The following SASS6 variants were observed in gnomAD, a reference collection of about 807,000 sequenced individuals.
SASS6 encodes the protein spindle assembly abnormal protein 6 homolog.
SASS6 carries 59 observed loss-of-function variants against 94.9 expected under a neutral mutation model. That is an observed-to-expected ratio of 0.62 (90% confidence interval 0.50 to 0.77). The LOEUF is 0.77. Ranked by LOEUF, SASS6 falls within the 30% of genes least tolerant of loss-of-function variation. The pLI, the probability that SASS6 is intolerant of heterozygous loss-of-function variation, is 0.00. For synonymous variants in SASS6, 264 were observed against 270.0 expected, an observed-to-expected ratio of 0.98 and a Z score of 0.22; for missense variants, 698 against 734.1, an observed-to-expected ratio of 0.95 and a Z score of 0.57.
intron 12 of SASS6, among the ~76,000 whole-genome samples, chr1:100,106,114 T>A (rs1652878810): frequency 6.6e-6 from 1 of 152,208 alleles, no homozygotes; most frequent in African/African-American, 2.4e-5. Flanking sequence ...ATTGTATTAC[T>A]TTCCGAAGCA....
At chr1:100,114,145 T>A (rs1321718969) in intron 7 of SASS6, among the ~76,000 whole-genome samples, 1 of 151,992 alleles carries the variant, frequency 6.6e-6, no homozygotes, top group Non-Finnish European at 1.5e-5. Flanking sequence ...AAAAGATAAA[T>A]GCTTCAACTA....
At chr1:100,098,450 A>C (rs1242610963) in intron 14 of SASS6, among the ~76,000 whole-genome samples, 1 of 152,162 alleles carries the variant, frequency 6.6e-6, no homozygotes, top group Non-Finnish European at 1.5e-5. Flanking sequence ...AGTTTTACAG[A>C]ACAGGAAACA....
At chr1:100,101,411 C>T (rs2101654401) in intron 14 of SASS6, among the ~76,000 whole-genome samples, 1 of 151,622 alleles carries the variant, frequency 6.6e-6, no homozygotes, top group South Asian at 2.1e-4. Flanking sequence ...GAAAGTCTTG[C>T]TCCTGTATTT....
intron 2 of SASS6, among the ~76,000 whole-genome samples, chr1:100,123,595 C>A (rs1022869851): frequency 6.6e-6 from 1 of 152,220 alleles, no homozygotes; most frequent in Non-Finnish European, 1.5e-5. Flanking sequence ...CCTTGCTACA[C>A]CATAACATGA....
At chr1:100,122,187 T>C (rs1654243760) in intron 4 of SASS6, among the ~76,000 whole-genome samples, 193 bp downstream of exon 4, 1 of 152,238 alleles carries the variant, frequency 6.6e-6, no homozygotes, top group Non-Finnish European at 1.5e-5. Context: ...TGTCAAGACA[T>C]GAAAATTAAG....
intron 5 of SASS6, 21 bp from the exon 6 acceptor site, chr1:100,120,480 A>G: frequency 1.9e-6 from 2 of 1,077,106 alleles, no homozygotes; most frequent in Non-Finnish European, 2.9e-6. Context: ...AAATAATAAA[A>G]TTACACAGTT....
chr1:100,090,483 C>A (rs1651591627), intron 14 of SASS6, among the ~76,000 whole-genome samples: 1 of 152,110 alleles, frequency 6.6e-6, no homozygotes, highest in Admixed American at 6.6e-5. Context: ...CCTTTCTTTT[C>A]ATTTTTCCCT....
chr1:100,117,582 G>C (rs1233022611), intron 7 of SASS6, among the ~76,000 whole-genome samples: 2 of 151,628 alleles, frequency 1.3e-5, no homozygotes, highest in East Asian at 3.9e-4. Context: ...GAACCCAGGA[G>C]ACAGAGGTTG....
chr1:100,119,039 A>G lies in SASS6; in HGVS notation c.648T>C (p.Asn216=). The G allele has an allele frequency of 2.5e-6, 4 of 1,580,374 alleles. No homozygotes were observed. The highest frequency in any genetic ancestry group is 2.6e-6 in the Non-Finnish European group (3 of 1,160,412). ...LTNKHSQELT[N]EKEKALQAQV... ...TTACCTGCAAGGCTTTTTCCTTTTC[A>G]TTTGTCAGTTCCTGAGAATGCTTGT... Residue 216 remains asparagine, a synonymous_variant, in exon 7 of 17, where the codon AAT becomes AAC. Transcript: ENST00000287482.
rs1261357940 is a variant in SASS6 at position 100,105,848 on chromosome 1, A to C, written c.1464T>G (p.Asp488Glu). 1 of 1,611,062 alleles carries C rather than the reference A, an allele frequency of 6.2e-7. No individual in the cohort carries two copies. Among genetic ancestry groups the C allele is most frequent in the Admixed American group, 1.7e-5 (1 of 59,598 alleles). Residue 488 changes from aspartate to glutamate, a missense_variant, in exon 13 of 17, where the codon GAT becomes GAG. Transcript: ENST00000287482. Reference sequence around the variant, plus strand: ...GCGGAGTAGTAGAAGGTCCCAATACATCTTGCTTTCTCACTAGCTGATTTT... The same window carrying C: ...GCGGAGTAGTAGAAGGTCCCAATACCTCTTGCTTTCTCACTAGCTGATTTT... ...LNENQLVRKQ[D>E]VLGPSTTPPA...
At chr1:100,107,136 T>C (rs1557886298) in intron 11 of SASS6, 143 bp from the exon 12 acceptor site, 7 of 607,048 alleles carry the variant, frequency 1.2e-5, no homozygotes, top group Non-Finnish European at 2.1e-5. Flanking sequence ...AGCTCAATTA[T>C]GTAATAAAAT....
At chr1:100,128,621 G>A (rs1001075263) in intron 1 of SASS6, among the ~76,000 whole-genome samples, 6 of 152,160 alleles carry the variant, frequency 3.9e-5, no homozygotes, top group African/African-American at 7.2e-5. Flanking sequence ...CAGAGGATAC[G>A]CTAACTAAAA....
At chr1:100,126,289 T>G (rs1654617985) in intron 1 of SASS6, among the ~76,000 whole-genome samples, 2 of 152,186 alleles carry the variant, frequency 1.3e-5, no homozygotes, top group South Asian at 4.1e-4. Context: ...AAACCATCAA[T>G]TTAGTAACTT....
chr1:100,085,289 T>G lies in SASS6; in HGVS notation c.*39A>C, dbSNP rs936662083. 2.3e-6 allele frequency: 3 copies of G among 1,294,626 alleles called. No homozygotes were observed. Among genetic ancestry groups the G allele is most frequent in the Non-Finnish European group, 3.4e-6 (3 of 890,698 alleles). The allele number at this position is 1,294,626 out of a possible 1,614,324, so 80.2% of individuals were successfully genotyped here. On this transcript the variant is annotated 3_prime_UTR_variant, in exon 17 of 17. Coordinates refer to ENST00000287482, the MANE Select transcript of SASS6 (RefSeq NM_194292.3). ...TGACATATTTTTTAAGCACCTGAGTTTCTAAAATACCAATAAAAAGTAAAA... is the reference window on the plus strand; with the variant it reads ...TGACATATTTTTTAAGCACCTGAGTGTCTAAAATACCAATAAAAAGTAAAA...
At chr1:100,110,128 T>C (rs1477091577) in intron 8 of SASS6, among the ~76,000 whole-genome samples, 164 bp downstream of exon 8, 2 of 151,886 alleles carry the variant, frequency 1.3e-5, no homozygotes, top group African/African-American at 2.4e-5. Flanking sequence ...AATTATGCTT[T>C]TTATCAAATT....
At chr1:100,120,050 A>G (rs910694294) in intron 6 of SASS6, among the ~76,000 whole-genome samples, 6 of 152,236 alleles carry the variant, frequency 3.9e-5, no homozygotes, top group African/African-American at 1.4e-4. Flanking sequence ...GGAAAGGTTT[A>G]GAGCATAGGA....
intron 7 of SASS6, among the ~76,000 whole-genome samples, chr1:100,111,876 G>A (rs1653353724): frequency 6.6e-6 from 1 of 152,050 alleles, no homozygotes; most frequent in South Asian, 2.1e-4. Flanking sequence ...AACTGTAACT[G>A]TCTAAGAGAG....
chr1:100,123,005 C>T lies in SASS6; in HGVS notation c.206+205G>A, dbSNP rs75363317. Among the ~76,000 whole-genome samples the T allele has an allele frequency of 1.6e-4, 25 of 152,168 alleles. No homozygotes were observed. The East Asian group carries it at 3.3e-3, about 20-fold the overall frequency. Reference sequence around the variant, plus strand: ...CAATAAATTCAGCAAAAGCTTCAAACTTCACAGGTGTTTTAAGCAGAATTC... The same window carrying T: ...CAATAAATTCAGCAAAAGCTTCAAATTTCACAGGTGTTTTAAGCAGAATTC... On this transcript the variant is annotated intron_variant, in intron 3 of 16. Transcript: ENST00000287482.
At chr1:100,120,642 C>CTA (rs973958827) in intron 5 of SASS6, among the ~76,000 whole-genome samples, 183 bp from the exon 6 acceptor site, 4 of 152,302 alleles carry the variant, frequency 2.6e-5, no homozygotes, top group African/African-American at 7.2e-5. Flanking sequence ...ATGCACTGAT[C>CTA]TATAGCATTT....
Sources: allele counts gnomAD v4.1 joint callset (sites outside exome capture counted in the v4.1 genomes callset), GRCh38; gene constraint gnomAD v4.1.1; transcripts MANE v1.5; gene names NCBI Gene and HGNC (gene_info 2026-07-23, HGNC 2026-07-21).